LYRM4: variants seen among roughly 807,000 people sequenced by gnomAD.
LYRM4 encodes the protein LYR motif containing 4.
Under a neutral mutation model 11.7 loss-of-function variants are expected in LYRM4, and 9 were observed. The observed-to-expected ratio is 0.77, with a 90% confidence interval of 0.46 to 1.34. The LOEUF (loss-of-function observed/expected upper bound fraction) is 1.34. LYRM4 is among the 40% of genes most tolerant of loss of function. The probability of loss-of-function intolerance (pLI) is 0.00; values close to 1 mark genes in which losing one functional copy is unlikely to be tolerated. For synonymous variants in LYRM4, 42 were observed against 40.4 expected (o/e 1.04, Z -0.15); for missense variants, 133 against 112.5 (o/e 1.18, Z -0.82).
the LYRM4 span, among the ~76,000 whole-genome samples, chr6:5,049,082 G>C: frequency 6.6e-6 from 1 of 152,118 alleles, no homozygotes. Flanking sequence ...TGGGAAAGGG[G>C]ATGGCAGTGG....
chr6:5,119,770 C>T (rs1471198297), intron 2 of LYRM4, among the ~76,000 whole-genome samples: 2 of 106,180 alleles, frequency 1.9e-5, no homozygotes, highest in Non-Finnish European at 3.4e-5. Flanking sequence ...GCCTGGGTGG[C>T]AGAATGAGAC....
chr6:5,183,397 C>G (rs2127681315), intron 2 of LYRM4, among the ~76,000 whole-genome samples: 1 of 152,138 alleles, frequency 6.6e-6, no homozygotes, highest in African/African-American at 2.4e-5. Flanking sequence ...TCAGTGAAAA[C>G]AGGTTATAGC....
chr6:5,118,094 A>ATTTTTTT (rs1554126847), intron 2 of LYRM4, among the ~76,000 whole-genome samples: 1 of 86,114 alleles, frequency 1.2e-5, no homozygotes, highest in African/African-American at 3.9e-5. Flanking sequence ...ATATATATAT[A>ATTTTTTT]TTTTTGTTTT....
chr6:5,172,681 C>T (rs2127668751), intron 2 of LYRM4, among the ~76,000 whole-genome samples: 2 of 152,284 alleles, frequency 1.3e-5, no homozygotes, highest in South Asian at 4.1e-4. Context: ...CAGACAGAAA[C>T]ACGCACCAAA....
intron 2 of LYRM4, among the ~76,000 whole-genome samples, chr6:5,122,418 G>A (rs1400390894): frequency 6.6e-6 from 1 of 152,180 alleles, no homozygotes; most frequent in Non-Finnish European, 1.5e-5. Flanking sequence ...GCAACACTCA[G>A]AACTGGAAAG....
the LYRM4 span, among the ~76,000 whole-genome samples, chr6:5,045,803 A>AT: frequency 2.0e-5 from 3 of 150,970 alleles, no homozygotes; most frequent in Admixed American, 6.5e-5. Context: ...CAAAAGAAAA[A>AT]CATATTGTAT....
At chr6:5,042,608 C>T in the LYRM4 span, 1 of 152,594 alleles carries the variant, frequency 6.6e-6, no homozygotes, top group African/African-American at 2.4e-5. Context: ...TACCTCAGAC[C>T]CACATCCCAG....
chr6:5,173,947 C>A (rs1251201074), intron 2 of LYRM4, among the ~76,000 whole-genome samples: 1 of 152,138 alleles, frequency 6.6e-6, no homozygotes, highest in Non-Finnish European at 1.5e-5. Context: ...TGTGAAGTGA[C>A]ACTGGAAACT....
intron 2 of LYRM4, among the ~76,000 whole-genome samples, chr6:5,187,364 C>T (rs1561857363): frequency 2.0e-5 from 3 of 152,194 alleles, no homozygotes; most frequent in African/African-American, 4.8e-5. Flanking sequence ...CACTACAGCA[C>T]TGCTCATAAT....
Position 5,240,198 on chromosome 6 carries a change from G to A in LYRM4, c.86+20450C>T, listed in dbSNP as rs941328413. On this transcript the variant is annotated intron_variant, in intron 1 of 2. Coordinates refer to ENST00000330636, the MANE Select transcript of LYRM4 (RefSeq NM_020408.6). Reference sequence around the variant, plus strand: ...TCCAACCTTTCCAGGCCTTCTCTACGTCTGCTTGTTCCCTGACTCACTCTG... The same window carrying A: ...TCCAACCTTTCCAGGCCTTCTCTACATCTGCTTGTTCCCTGACTCACTCTG... Among the ~76,000 whole-genome samples the A allele has an allele frequency of 3.3e-5, 5 of 151,856 alleles. 1 individual carries two copies. The highest frequency in any genetic ancestry group is 3.3e-4 in the Admixed American group (5 of 15,232).
chr6:5,172,420 C>G (rs758442566), intron 2 of LYRM4, among the ~76,000 whole-genome samples: 3 of 152,160 alleles, frequency 2.0e-5, no homozygotes, highest in Non-Finnish European at 2.9e-5. Context: ...GAACGATGAC[C>G]ACAGTTTCAC....
At chr6:5,064,981 T>C in the LYRM4 span, among the ~76,000 whole-genome samples, 1 of 152,222 alleles carries the variant, frequency 6.6e-6, no homozygotes. Flanking sequence ...CATTACAGTG[T>C]CATACAGAAT....
At position 5,260,789 on chromosome 6, in the gene LYRM4, C is replaced by A; in HGVS notation, c.-56G>T. On this transcript the variant is annotated 5_prime_UTR_variant, in exon 1 of 3. Transcript: ENST00000330636. The stretch of plus-strand genomic sequence containing the variant: ...CTTCGCCGAGGTCCCAAGTACGACC[C>A]AACCCACGAAACTCCAGCCTGTGCG... 6.5e-7 allele frequency: 1 copy of A among 1,534,866 alleles called. No individual in the cohort carries two copies. Among genetic ancestry groups the A allele is most frequent in the South Asian group, 1.2e-5 (1 of 83,970 alleles).
In LYRM4 at chr6:5,260,742, G is replaced by C. The variant is rs1324113667; in HGVS notation, c.-9C>G. 6.6e-7 allele frequency: 1 copy of C among 1,519,752 alleles called. No homozygotes were observed. The highest frequency in any genetic ancestry group is 8.8e-7 in the Non-Finnish European group (1 of 1,132,546). 94.1% of individuals were successfully genotyped at this position (1,519,752 alleles called of 1,614,324 possible). On this transcript the variant is annotated 5_prime_UTR_variant, in exon 1 of 3. Transcript: ENST00000330636. ...CGACTGGAGGCTGCCATTTTGGAAA[G>C]AAAAAAAAATAAACGGGTCCTCTTC...
intron 2 of LYRM4, among the ~76,000 whole-genome samples, chr6:5,119,040 C>T (rs73717656): frequency 0.11 from 15,993 of 152,210 alleles, 934 homozygotes; most frequent in South Asian, 0.23. Context: ...AGAAAGAAGG[C>T]CATGTGAAAG....
the LYRM4 span, among the ~76,000 whole-genome samples, chr6:5,094,127 G>T: frequency 2.0e-5 from 3 of 152,270 alleles, no homozygotes; most frequent in Admixed American, 2.0e-4. Flanking sequence ...TGATTATGTG[G>T]AATTTTAAAC....
chr6:5,186,459 T>G, intron 2 of LYRM4: 1 of 702,704 alleles, frequency 1.4e-6, no homozygotes, highest in Non-Finnish European at 1.7e-6. Flanking sequence ...TGTCTCCTTA[T>G]TCCATAAATG....
At chr6:5,122,035 G>T (rs988846480) in intron 2 of LYRM4, among the ~76,000 whole-genome samples, 1 of 152,036 alleles carries the variant, frequency 6.6e-6, no homozygotes, top group African/African-American at 2.4e-5. Context: ...TTTCAAAGTC[G>T]ACTTGAACCA....
At chr6:5,118,650 C>A (rs1283054759) in intron 2 of LYRM4, among the ~76,000 whole-genome samples, 2 of 151,990 alleles carry the variant, frequency 1.3e-5, no homozygotes, top group Non-Finnish European at 2.9e-5. Context: ...AAGTCACCAG[C>A]GATAAAAGCT....
Sources: allele counts gnomAD v4.1 joint callset (sites outside exome capture counted in the v4.1 genomes callset), GRCh38; gene constraint gnomAD v4.1.1; transcripts MANE v1.5; gene names NCBI Gene and HGNC (gene_info 2026-07-23, HGNC 2026-07-21).